The following SAP130 variants were observed in gnomAD, a reference collection of about 807,000 sequenced individuals.
SAP130 encodes the protein histone deacetylase complex subunit SAP130.
SAP130 carries 16 observed loss-of-function variants against 103.2 expected under a neutral mutation model. That is an observed-to-expected ratio of 0.16 (90% CI 0.10 to 0.24). The LOEUF (loss-of-function observed/expected upper bound fraction) is 0.24. SAP130 is among the 10% of genes least tolerant of loss of function. The pLI, the probability that SAP130 is intolerant of heterozygous loss-of-function variation, is 1.00. For missense variants in SAP130, 990 were observed against 1,359.7 expected (o/e 0.73, Z 4.28); for synonymous variants, 477 against 497.0 (o/e 0.96, Z 0.53).
intron 3 of SAP130, among the ~76,000 whole-genome samples, chr2:128,017,236 C>T (rs1479337633): frequency 1.3e-5 from 2 of 152,150 alleles, no homozygotes; most frequent in East Asian, 1.9e-4. Flanking sequence ...GCTGCAGAAC[C>T]GCTTGAACCT....
chr2:128,010,200 G>A, intron 7 of SAP130, 69 bp downstream of exon 7: 4 of 1,500,158 alleles, frequency 2.7e-6, no homozygotes, highest in Admixed American at 4.1e-5. Context: ...TTAAATGAAG[G>A]AACGAAAGAA....
At chr2:127,981,860 C>A (rs1020435955) in intron 14 of SAP130, among the ~76,000 whole-genome samples, 5 of 152,030 alleles carry the variant, frequency 3.3e-5, no homozygotes, top group African/African-American at 1.2e-4. Flanking sequence ...GCTCCCCGAC[C>A]CCGACCCAGT....
chr2:127,958,702 C>A, intron 15 of SAP130, among the ~76,000 whole-genome samples: 1 of 146,092 alleles, frequency 6.8e-6, no homozygotes, highest in East Asian at 2.1e-4. Context: ...CACTGTGTTG[C>A]CTAGGCTGGT....
At position 128,000,066 on chromosome 2, in the gene SAP130, C is replaced by T. The variant is rs369274686; in HGVS notation, c.1098G>A (p.Ala366=). 12 of 1,613,822 alleles carry T rather than the reference C, an allele frequency of 7.4e-6. No homozygotes were observed. In the East Asian group the frequency reaches 8.9e-5, roughly 12 times the overall value. The change falls in exon 9 of 21, where the codon GCG becomes GCA. Residue 366 remains alanine, a synonymous_variant. Transcript: ENST00000643581. ...GGGTCGTGGACTTACCAGCTGTGGT[C>T]GCTGAAGGAATGGTGTTGGTTGCCA... ...PILATNTIPS[A]TTAGSVSHTQ...
At chr2:127,978,451 T>C (rs1361037509) in intron 14 of SAP130, among the ~76,000 whole-genome samples, 18 of 152,162 alleles carry the variant, frequency 1.2e-4, no homozygotes, top group Admixed American at 6.5e-5. Flanking sequence ...TTTACAATTA[T>C]TATTATGCCT....
intron 16 of SAP130, among the ~76,000 whole-genome samples, chr2:127,950,803 CG>C (rs1679448231): frequency 6.6e-6 from 1 of 152,134 alleles, no homozygotes; most frequent in Non-Finnish European, 1.5e-5. Flanking sequence ...GGAACTCAGA[CG>C]AGATGGCTGC....
chr2:128,017,600 TA>T, intron 3 of SAP130, 79 bp downstream of exon 3: 1 of 1,253,150 alleles, frequency 8.0e-7, no homozygotes, highest in Non-Finnish European at 1.1e-6. Context: ...AGATACAGCC[TA>T]AGATTTTATA....
chr2:127,952,605 C>T (rs910126440), intron 16 of SAP130, among the ~76,000 whole-genome samples: 1 of 152,022 alleles, frequency 6.6e-6, no homozygotes, highest in Non-Finnish European at 1.5e-5. Flanking sequence ...ATGCTTTTAC[C>T]CCATCATTAC....
intron 15 of SAP130, among the ~76,000 whole-genome samples, chr2:127,970,025 C>T (rs1020787159): frequency 1.3e-4 from 20 of 151,802 alleles, no homozygotes; most frequent in Non-Finnish European, 2.5e-4. Context: ...GTCAAGAGAT[C>T]GAGACCATCC....
At chr2:127,962,015 A>G (rs1680293663) in intron 15 of SAP130, among the ~76,000 whole-genome samples, 1 of 152,208 alleles carries the variant, frequency 6.6e-6, no homozygotes, top group Non-Finnish European at 1.5e-5. Context: ...GTCATCTGAT[A>G]TATGTGCTAG....
chr2:127,999,977 A>G, intron 9 of SAP130, 79 bp downstream of exon 9: 2 of 1,485,786 alleles, frequency 1.3e-6, no homozygotes, highest in Non-Finnish European at 1.9e-6. Flanking sequence ...CTCTGACTGA[A>G]GGTGAGAAAT....
At chr2:127,978,286 T>TAAA (rs561180280) in intron 14 of SAP130, among the ~76,000 whole-genome samples, 197 bp from the exon 15 acceptor site, 1 of 145,686 alleles carries the variant, frequency 6.9e-6, no homozygotes, top group African/African-American at 2.5e-5. Context: ...CACAAAATCT[T>TAAA]AAAAAAAAAA....
In SAP130 at chr2:127,955,397, T is replaced by C. The variant is rs1195164289; in HGVS notation, c.2064-53A>G. On this transcript the variant is annotated intron_variant, in intron 15 of 20. Coordinates refer to ENST00000643581, the MANE Select transcript of SAP130 (RefSeq NM_001330301.2). The surrounding 1 kb of genome is among the most constrained non-coding windows in gnomAD (Gnocchi z 4.9). ...GCAAATAAGAAAAAAACTGCCTTCA[T>C]CTACAACATCTCAGAGGATGAGTAT... 1 of 1,128,734 alleles carries C rather than the reference T, an allele frequency of 8.9e-7. No individual in the cohort carries two copies. Among genetic ancestry groups the C allele is most frequent in the African/African-American group, 1.6e-5 (1 of 64,312 alleles). The allele number at this position is 1,128,734 out of a possible 1,614,324, so 69.9% of individuals were successfully genotyped here.
chr2:127,968,670 T>C (rs1680852094), intron 15 of SAP130, among the ~76,000 whole-genome samples: 1 of 151,846 alleles, frequency 6.6e-6, no homozygotes, highest in Admixed American at 6.6e-5. Flanking sequence ...GGTGCACCAC[T>C]ACGCCTGGCT....
At chr2:128,023,906 G>A (rs749405944) in intron 2 of SAP130, among the ~76,000 whole-genome samples, 1 of 146,494 alleles carries the variant, frequency 6.8e-6, no homozygotes, top group Non-Finnish European at 1.5e-5. Context: ...AGAGTCTTCT[G>A]TTATTCTAGA....
Position 127,996,525 on chromosome 2 carries a change from C to G in SAP130, c.1214-34G>C, listed in dbSNP as rs533010503. 4.9e-6 allele frequency: 7 copies of G among 1,433,112 alleles called. No individual in the cohort carries two copies. The South Asian group carries it at 6.2e-5, about 13-fold the overall frequency. The allele number at this position is 1,433,112 out of a possible 1,614,324, so 88.8% of individuals were successfully genotyped here. A position where few individuals can be genotyped will look rare whatever the true frequency, so the allele number is the denominator to read the frequency against. On this transcript the variant is annotated intron_variant, in intron 10 of 20. Transcript: ENST00000643581. This position sits in a 1 kb window ranked among gnomAD's most constrained non-coding sequence, Gnocchi z 4.3. ...AGTAAATGCCAATTCCATGACCATT[C>G]TACACTTTTTTTTGGCATGCCAAAA...
At chr2:127,952,282 C>G (rs1053362227) in intron 16 of SAP130, among the ~76,000 whole-genome samples, 1 of 151,990 alleles carries the variant, frequency 6.6e-6, no homozygotes, top group Non-Finnish European at 1.5e-5. Context: ...GAAACCCCAT[C>G]TCTACTAAAA....
chr2:127,950,757 G>A (rs976996645), intron 16 of SAP130, among the ~76,000 whole-genome samples: 1 of 152,314 alleles, frequency 6.6e-6, no homozygotes, highest in African/African-American at 2.4e-5. Flanking sequence ...GAGAGAGAGA[G>A]CAGGTGTGAT....
At chr2:127,973,285 T>C (rs1681219171) in intron 15 of SAP130, among the ~76,000 whole-genome samples, 2 of 152,228 alleles carry the variant, frequency 1.3e-5, no homozygotes, top group African/African-American at 2.4e-5. Context: ...CAGGCTGGAG[T>C]GCAATGGCGT....
Sources: allele counts gnomAD v4.1 joint callset (sites outside exome capture counted in the v4.1 genomes callset), GRCh38; gene constraint gnomAD v4.1.1; non-coding constraint Gnocchi (gnomAD v3.1); transcripts MANE v1.5; gene names NCBI Gene and HGNC (gene_info 2026-07-23, HGNC 2026-07-21).